The following ZNF385D variants were observed in gnomAD, a reference collection of about 807,000 sequenced individuals.
The protein encoded by ZNF385D is zinc finger protein 385D, also known as zinc finger protein 659.
ZNF385D carries 15 observed loss-of-function variants against 35.8 expected under a neutral mutation model. That is an observed-to-expected ratio of 0.42 (90% CI 0.28 to 0.64). The LOEUF is 0.64. Ranked by LOEUF, ZNF385D falls within the 30% of genes least tolerant of loss-of-function variation. The pLI is 0.23. For synonymous variants in ZNF385D, 212 were observed against 186.8 expected, an observed-to-expected ratio of 1.13 and a Z score of -1.10; for missense variants, 474 against 494.6, an observed-to-expected ratio of 0.96 and a Z score of 0.39.
At chr3:22,363,778 G>A (rs1050046593) in intron 2 of ZNF385D, among the ~76,000 whole-genome samples, 3 of 152,046 alleles carry the variant, frequency 2.0e-5, no homozygotes, top group African/African-American at 7.2e-5. Flanking sequence ...TTTACCATGA[G>A]TGTCTCAATG....
chr3:21,666,302 A>G (rs563594411), intron 1 of ZNF385D, among the ~76,000 whole-genome samples: 1 of 152,210 alleles, frequency 6.6e-6, no homozygotes, highest in African/African-American at 2.4e-5. Context: ...CTTAGTACCT[A>G]TAACAGAAGC....
At chr3:21,492,486 TAAA>T (rs571831685) in intron 4 of ZNF385D, among the ~76,000 whole-genome samples, 1 of 139,166 alleles carries the variant, frequency 7.2e-6, no homozygotes. Flanking sequence ...TTCGTATTAC[TAAA>T]AAAAAAAAAA....
At chr3:21,501,750 T>C (rs1706385076) in intron 4 of ZNF385D, among the ~76,000 whole-genome samples, 2 of 152,222 alleles carry the variant, frequency 1.3e-5, no homozygotes, top group African/African-American at 4.8e-5. Flanking sequence ...TCTACTCAAT[T>C]CCTAAGAATC....
At chr3:22,029,931 C>T (rs1359179385) in intron 3 of ZNF385D, among the ~76,000 whole-genome samples, 1 of 151,860 alleles carries the variant, frequency 6.6e-6, no homozygotes, top group African/African-American at 2.4e-5. Flanking sequence ...TATTGATCCC[C>T]TGGATGTGTC....
intron 2 of ZNF385D, among the ~76,000 whole-genome samples, chr3:22,218,371 T>G (rs995778325): frequency 1.3e-5 from 2 of 151,978 alleles, no homozygotes; most frequent in African/African-American, 4.8e-5. Context: ...GAAATACAAT[T>G]GACTTTTGAA....
intron 3 of ZNF385D, among the ~76,000 whole-genome samples, chr3:21,911,001 A>C (rs1265420127): frequency 6.6e-6 from 1 of 151,976 alleles, no homozygotes; most frequent in Non-Finnish European, 1.5e-5. Flanking sequence ...CTAGGATGAA[A>C]TGTATATATG....
intron 2 of ZNF385D, among the ~76,000 whole-genome samples, chr3:22,269,008 C>T (rs7613705): frequency 0.044 from 6,698 of 151,944 alleles, 361 homozygotes; most frequent in African/African-American, 0.12. Context: ...AGTTCATTTT[C>T]ATACACAATG....
At chr3:22,332,904 C>CTTT (rs200384474) in intron 2 of ZNF385D, among the ~76,000 whole-genome samples, 2 of 144,642 alleles carry the variant, frequency 1.4e-5, no homozygotes, top group South Asian at 4.4e-4. Flanking sequence ...ATTACTTTTC[C>CTTT]TTTTTTTTTT....
At chr3:22,081,730 T>C (rs1248553802) in intron 3 of ZNF385D, among the ~76,000 whole-genome samples, 1 of 152,072 alleles carries the variant, frequency 6.6e-6, no homozygotes, top group Admixed American at 6.6e-5. Context: ...AATGGCAGAG[T>C]AGTTATGACA....
At chr3:21,450,011 T>C (rs894572700) in intron 4 of ZNF385D, among the ~76,000 whole-genome samples, 11 of 152,090 alleles carry the variant, frequency 7.2e-5, no homozygotes, top group African/African-American at 2.7e-4. Flanking sequence ...GCAAGCTGGG[T>C]GAGAAGAAAA....
At position 21,414,929 on chromosome 3, in the gene ZNF385D, G is replaced by C. The variant is rs1324165471; in HGVS notation, c.*6285C>G. ...TACTAATGTTAGCATAACATCATAA[G>C]AGACATAAAGCATCTCACGAAGGGT... On this transcript the variant is annotated 3_prime_UTR_variant, in exon 8 of 8. Coordinates refer to ENST00000281523, the MANE Select transcript of ZNF385D (RefSeq NM_024697.3). 2 of 151,992 alleles carry C rather than the reference G, an allele frequency of 1.3e-5. No individual in the cohort carries two copies. The highest frequency in any genetic ancestry group is 4.1e-4 in the South Asian group (2 of 4,830). 9.4% of individuals were successfully genotyped at this position (151,992 alleles called of 1,614,324 possible).
rs1559527468 is a variant in ZNF385D, at chr3:22,336,924, A to AAAAAAAAAAAC, written c.106+35525_106+35526insGTTTTTTTTTT. Among the ~76,000 whole-genome samples the AAAAAAAAAAAC allele has an allele frequency of 3.1e-4, 45 of 146,094 alleles. 3 individuals are homozygous for AAAAAAAAAAAC. The East Asian group carries it at 7.7e-3, about 25-fold the overall frequency. ...AGTGATTTTTCAAAAAAAAAAAAAAAAAAAAAAAAAAAACCCTTACTGTTA... is the reference window on the plus strand; with the variant it reads ...AGTGATTTTTCAAAAAAAAAAAAAAAAAAAAAAAAACAAAAAAAAAAAAACCCTTACTGTTA... On this transcript the variant is annotated intron_variant, in intron 2 of 5. Coordinates refer to the ZNF385D transcript ENST00000494108.
chr3:21,736,154 T>A (rs1296078935), intron 1 of ZNF385D, among the ~76,000 whole-genome samples: 1 of 152,202 alleles, frequency 6.6e-6, no homozygotes, highest in Non-Finnish European at 1.5e-5. Context: ...ATAGAGATAA[T>A]GACATCTAGT....
intron 2 of ZNF385D, among the ~76,000 whole-genome samples, chr3:21,573,554 A>C (rs918237128): frequency 1.3e-5 from 2 of 152,352 alleles, no homozygotes; most frequent in Admixed American, 1.3e-4. Flanking sequence ...AGTGTTCTGC[A>C]GTTTTGTTTC....
chr3:22,144,029 G>A (rs1342068623), intron 3 of ZNF385D, among the ~76,000 whole-genome samples: 4 of 151,560 alleles, frequency 2.6e-5, no homozygotes, highest in Admixed American at 6.6e-5. Context: ...GCATTTTATA[G>A]AAAGACTGAC....
intron 3 of ZNF385D, among the ~76,000 whole-genome samples, chr3:22,137,207 A>G (rs1314557881): frequency 6.6e-6 from 1 of 152,162 alleles, no homozygotes; most frequent in Non-Finnish European, 1.5e-5. Flanking sequence ...AAAGTCCAGG[A>G]CCAGACGGAT....
chr3:22,030,060 A>T (rs1355372675), intron 3 of ZNF385D, among the ~76,000 whole-genome samples: 1 of 151,364 alleles, frequency 6.6e-6, no homozygotes, highest in Non-Finnish European at 1.5e-5. Flanking sequence ...GCATGCAGAA[A>T]AAAACATGCA....
chr3:21,749,952 A>G (rs1265095491), intron 1 of ZNF385D, among the ~76,000 whole-genome samples: 3 of 111,594 alleles, frequency 2.7e-5, no homozygotes, highest in Non-Finnish European at 5.9e-5. Flanking sequence ...GAGCATTTGC[A>G]TCTTGGATAC....
rs139929074 is a variant in ZNF385D, at chr3:22,292,474, A to G, written c.106+79976T>C. ...CTGTGTTTTGGTAAGTTCTTTTTAC[A>G]GGGGATAGTACTTGATCGCCCAGTA... On this transcript the variant is annotated intron_variant, in intron 2 of 5. Transcript: ENST00000494108. Among the ~76,000 whole-genome samples the G allele has an allele frequency of 1.8e-4, 27 of 152,220 alleles. No individual in the cohort carries two copies. The East Asian group carries it at 5.0e-3, about 28-fold the overall frequency.
Sources: allele counts gnomAD v4.1 joint callset (sites outside exome capture counted in the v4.1 genomes callset), GRCh38; gene constraint gnomAD v4.1.1; transcripts MANE v1.5; gene names NCBI Gene and HGNC (gene_info 2026-07-23, HGNC 2026-07-21).